OPRM1: variants seen among roughly 807,000 people sequenced by gnomAD.
OPRM1 encodes the protein mu-type opioid receptor.
OPRM1 carries 27 observed loss-of-function variants against 31.8 expected under a neutral mutation model. That is an observed-to-expected ratio of 0.85 (90% confidence interval 0.63 to 1.17). The LOEUF (loss-of-function observed/expected upper bound fraction) is 1.17, where lower values mean the gene tolerates loss of function less well. Ranked by LOEUF, OPRM1 falls within the 50% of genes most tolerant of loss-of-function variation. OPRM1 has a pLI of 0.00. For missense variants in OPRM1, 536 were observed against 511.1 expected (o/e 1.05, Z -0.47); for synonymous variants, 196 against 189.9 (o/e 1.03, Z -0.26).
intron 1 of OPRM1, among the ~76,000 whole-genome samples, chr6:154,088,154 T>G (rs1336593805): frequency 1.3e-5 from 2 of 151,938 alleles, no homozygotes; most frequent in South Asian, 2.1e-4. Context: ...ATTCTTGTTA[T>G]ATGCAACCAC....
At position 154,123,358 on chromosome 6, in the gene OPRM1, TC is replaced by T. The variant is rs2128528043; in HGVS notation, c.*4638del. Among the ~76,000 whole-genome samples the T allele has an allele frequency of 1.3e-5, 2 of 152,288 alleles. No homozygotes were observed. Among genetic ancestry groups the T allele is most frequent in the South Asian group, 4.1e-4 (2 of 4,828 alleles). On this transcript the variant is annotated 3_prime_UTR_variant, in exon 4 of 4. Coordinates refer to ENST00000330432, the MANE Select transcript of OPRM1 (RefSeq NM_000914.5). The stretch of plus-strand genomic sequence containing the variant: ...CTAATCACACAGTGAACAAAAGGCT[TC>T]TATGCTGGGCCTTACTTTCTAACAG...
chr6:154,237,123 T>C (rs561018393), intron 3 of OPRM1, among the ~76,000 whole-genome samples: 64 of 152,240 alleles, frequency 4.2e-4, no homozygotes, highest in Non-Finnish European at 6.9e-4. Context: ...ACCTGACCCT[T>C]AAAAGAGCTT....
Position 154,091,076 on chromosome 6 carries a change from G to A in OPRM1, c.768G>A (p.Leu256=), listed in dbSNP as rs1195911052. The stretch of plus-strand genomic sequence containing the variant: ...TCATCATTACCGTGTGCTATGGACT[G>A]ATGATCTTGCGCCTCAAGAGTGTCC... The part of the protein sequence containing the change: ...PVLIITVCYG[L]MILRLKSVRM... Residue 256 remains leucine, a synonymous_variant, in exon 3 of 4, where the codon CTG becomes CTA. Coordinates refer to ENST00000330432, the MANE Select transcript of OPRM1 (RefSeq NM_000914.5). The A allele has an allele frequency of 6.2e-6, 10 of 1,614,174 alleles. No homozygotes were observed. Among genetic ancestry groups the A allele is most frequent in the Non-Finnish European group, 8.5e-6 (10 of 1,180,034 alleles).
chr6:154,045,878 G>A (rs1410937289), intron 1 of OPRM1, among the ~76,000 whole-genome samples: 1 of 152,190 alleles, frequency 6.6e-6, no homozygotes, highest in Non-Finnish European at 1.5e-5. Context: ...CTCCTGAGGT[G>A]TACAATTCTG....
chr6:154,212,603 G>C (rs989932283), intron 3 of OPRM1, among the ~76,000 whole-genome samples: 1 of 152,184 alleles, frequency 6.6e-6, no homozygotes, highest in African/African-American at 2.4e-5. Context: ...GGTTGCTATG[G>C]AGAAGGCTCA....
intron 3 of OPRM1, among the ~76,000 whole-genome samples, chr6:154,149,418 C>T (rs1275084296): frequency 6.6e-6 from 1 of 152,050 alleles, no homozygotes; most frequent in East Asian, 1.9e-4. Flanking sequence ...ATGGGAACTA[C>T]AATTCAAGAT....
intron 3 of OPRM1, among the ~76,000 whole-genome samples, chr6:154,209,024 T>C (rs1777738288): frequency 6.6e-6 from 1 of 152,204 alleles, no homozygotes; most frequent in South Asian, 2.1e-4. Context: ...TGAAGGAAGA[T>C]TTCCTGACAT....
rs1013483597 is a variant in OPRM1, at chr6:154,081,824, A to T, written c.291-8002A>T. On this transcript the variant is annotated intron_variant, in intron 1 of 3. Transcript: ENST00000330432. ...TTTAGTTTCAGATGGAGTCTAGAGA[A>T]ATGGGAGAAAAGCCTCAAATACTTG... is the stretch of plus-strand genomic sequence containing the variant. 5.3e-5 allele frequency among the ~76,000 whole-genome samples: 8 copies of T among 152,286 alleles called. 1 individual carries two copies. The East Asian group carries it at 1.5e-3, about 29-fold the overall frequency.
chr6:154,191,139 GA>G (rs1484286144), intron 3 of OPRM1, among the ~76,000 whole-genome samples: 2 of 152,178 alleles, frequency 1.3e-5, no homozygotes, highest in Non-Finnish European at 2.9e-5. Context: ...AAGCCAATCT[GA>G]AAAGGGTACA....
chr6:154,010,629 A>G, exon 1 of OPRM1: 2 of 1,503,914 alleles, frequency 1.3e-6, no homozygotes, highest in Non-Finnish European at 1.8e-6. Flanking sequence ...GTATGCCTGC[A>G]CTAAGTTTGC....
At chr6:154,087,648 T>A in intron 1 of OPRM1, 1 of 955,846 alleles carries the variant, frequency 1.0e-6, no homozygotes, top group Non-Finnish European at 1.2e-6. Flanking sequence ...CTGGCTCTGG[T>A]TGGAACATGA....
At chr6:154,080,880 G>A (rs79534150) in intron 1 of OPRM1, among the ~76,000 whole-genome samples, 1,747 of 152,320 alleles carry the variant, frequency 0.011, 25 homozygotes, top group African/African-American at 0.039. Context: ...CATGCTGGAA[G>A]TGCAGAAGTC....
chr6:154,168,671 T>A lies in OPRM1; in HGVS notation c.1164+77199T>A, dbSNP rs1420095168. ...CCCAGGCTAAAGTGAAATGGCACAA[T>A]CTTGGCTCACTGAAACCTACACCTC... On this transcript the variant is annotated intron_variant, in intron 3 of 3. Transcript: ENST00000337049. The surrounding 1 kb of genome is among the most constrained non-coding windows in gnomAD (Gnocchi z 4.1). 1.3e-5 allele frequency among the ~76,000 whole-genome samples: 2 copies of A among 152,054 alleles called. No individual in the cohort carries two copies. The highest frequency in any genetic ancestry group is 4.8e-5 in the African/African-American group (2 of 41,384).
chr6:154,202,060 T>C (rs1719654139), intron 3 of OPRM1, among the ~76,000 whole-genome samples: 1 of 152,200 alleles, frequency 6.6e-6, no homozygotes, highest in Non-Finnish European at 1.5e-5. Flanking sequence ...AGGAAATTTG[T>C]AGATTCTGAG....
At chr6:154,192,681 A>C (rs1395910542) in intron 3 of OPRM1, among the ~76,000 whole-genome samples, 1 of 151,982 alleles carries the variant, frequency 6.6e-6, no homozygotes, top group Admixed American at 6.6e-5. Flanking sequence ...AAAATGACTT[A>C]ATCCTATCAA....
At chr6:154,172,590 G>A (rs936142081) in intron 3 of OPRM1, among the ~76,000 whole-genome samples, 54 of 152,274 alleles carry the variant, frequency 3.5e-4, no homozygotes, top group African/African-American at 1.2e-3. Context: ...CAAGGGGAGG[G>A]GCATCCACCA....
chr6:154,047,499 T>C (rs1660562880), intron 1 of OPRM1, among the ~76,000 whole-genome samples: 2 of 151,922 alleles, frequency 1.3e-5, no homozygotes, highest in Admixed American at 1.3e-4. Context: ...TTTTAGGAGA[T>C]GGTTTTAATA....
chr6:154,211,252 T>C (rs1777936440), intron 3 of OPRM1, among the ~76,000 whole-genome samples: 2 of 151,862 alleles, frequency 1.3e-5, no homozygotes, highest in Non-Finnish European at 2.9e-5. Context: ...CCGTCTCTAC[T>C]AAAAATACAA....
intron 1 of OPRM1, among the ~76,000 whole-genome samples, chr6:154,071,118 C>T (rs1786621748): frequency 6.6e-6 from 1 of 152,098 alleles, no homozygotes; most frequent in Non-Finnish European, 1.5e-5. Flanking sequence ...CCATGGTTAA[C>T]TGATATTTGA....
Sources: gnomAD v4.1 joint callset for allele counts (sites outside exome capture counted in the v4.1 genomes callset) on GRCh38, gnomAD v4.1.1 for gene constraint, Gnocchi (gnomAD v3.1) non-coding constraint, MANE v1.5 for transcripts, NCBI Gene and HGNC (gene_info 2026-07-23, HGNC 2026-07-21) for gene names.